The following ETHE1 variants were observed in gnomAD, a reference collection of about 807,000 sequenced individuals.
The protein encoded by ETHE1 is ETHE1 persulfide dioxygenase.
In ETHE1, 16 loss-of-function variants were observed where a neutral mutation model predicts 25.7. That is an observed-to-expected ratio of 0.62 (90% confidence interval 0.42 to 0.95). ETHE1 has a LOEUF of 0.95. Ranked by LOEUF, ETHE1 falls within the 40% of genes least tolerant of loss-of-function variation. ETHE1 has a pLI of 0.00. For synonymous variants in ETHE1, 139 were observed against 135.9 expected (o/e 1.02, Z -0.16); for missense variants, 300 against 333.6 (o/e 0.90, Z 0.79).
chr19:43,522,996 G>C (rs1423849881), intron 3 of ETHE1, among the ~76,000 whole-genome samples: 1 of 152,136 alleles, frequency 6.6e-6, no homozygotes, highest in Non-Finnish European at 1.5e-5. Flanking sequence ...AGAACTCCAA[G>C]TATAAACCAA....
At position 43,526,327 on chromosome 19, in the gene ETHE1, G is replaced by A; in HGVS notation, c.249C>T (p.Asp83=). Residue 83 remains aspartate, a synonymous_variant, in exon 3 of 7, where the codon GAC becomes GAT. Coordinates refer to ENST00000292147, the MANE Select transcript of ETHE1 (RefSeq NM_014297.5). ...GGAGCAGCCCCGAGCCTGTAATGTG[G>A]TCCGCGTGGCAGTGGGTATTCACTG... ...LYAVNTHCHA[D]HITGSGLLRS... is the part of the protein sequence containing the mutation. The A allele has an allele frequency of 6.2e-7, 1 of 1,614,182 alleles. No individual in the cohort carries two copies. The highest frequency in any genetic ancestry group is 8.5e-7 in the Non-Finnish European group (1 of 1,180,040).
chr19:43,517,059 A>G (rs374752608), intron 3 of ETHE1, among the ~76,000 whole-genome samples: 1 of 151,884 alleles, frequency 6.6e-6, no homozygotes, highest in Admixed American at 6.6e-5. Flanking sequence ...CCTGGCCTCA[A>G]GCAATCCTCC....
chr19:43,524,156 T>C (rs1972193010), intron 3 of ETHE1, among the ~76,000 whole-genome samples: 2 of 151,110 alleles, frequency 1.3e-5, no homozygotes, highest in South Asian at 4.2e-4. Context: ...TAAGCTGAGA[T>C]AGCGCCATTG....
chr19:43,521,402 G>A (rs564511675), intron 3 of ETHE1, among the ~76,000 whole-genome samples: 1 of 152,244 alleles, frequency 6.6e-6, no homozygotes, highest in South Asian at 2.1e-4. Flanking sequence ...CCCCTGCTGT[G>A]TACTTTGTCC....
intron 3 of ETHE1, among the ~76,000 whole-genome samples, chr19:43,514,432 T>C (rs1245832868): frequency 6.6e-6 from 1 of 151,790 alleles, no homozygotes; most frequent in East Asian, 1.9e-4. Context: ...CAGGTGGAAC[T>C]GTGAGCCCAC....
At position 43,511,705 on chromosome 19, in the gene ETHE1, T is replaced by C. The variant is rs1971922246; in HGVS notation, c.376-139A>G. ...AATGTAGATTCCCAGGCTGTAATCTTATATTATCAGAGTAAACTCCAAGTG... is the reference window on the plus strand; with the variant it reads ...AATGTAGATTCCCAGGCTGTAATCTCATATTATCAGAGTAAACTCCAAGTG... On this transcript the variant is annotated intron_variant, in intron 3 of 6. Transcript: ENST00000292147. 10 of 959,410 alleles carry C rather than the reference T, an allele frequency of 1.0e-5. No homozygotes were observed. The East Asian group carries it at 2.4e-4, about 23-fold the overall frequency. The allele number at this position is 959,410 out of a possible 1,614,324, so 59.4% of individuals were successfully genotyped here.
At chr19:43,508,976 G>A (rs561004514) in intron 4 of ETHE1, 112 bp from the exon 5 acceptor site, 31 of 819,558 alleles carry the variant, frequency 3.8e-5, no homozygotes, top group Middle Eastern at 2.5e-4. Flanking sequence ...CCTCTCCTTC[G>A]TGTCCTGCCA....
chr19:43,526,472 G>A, intron 2 of ETHE1, 43 bp downstream of exon 2: 1 of 1,605,610 alleles, frequency 6.2e-7, no homozygotes. Context: ...TGACGCTGCA[G>A]CCCAGCCCCG....
At chr19:43,508,664 G>T in intron 5 of ETHE1, 111 bp downstream of exon 5, 1 of 942,938 alleles carries the variant, frequency 1.1e-6, no homozygotes, top group Non-Finnish European at 1.7e-6. Context: ...ATTTTTTTTG[G>T]CCAGAGAAAT....
chr19:43,512,678 G>A (rs1267753599), intron 3 of ETHE1, among the ~76,000 whole-genome samples: 1 of 152,104 alleles, frequency 6.6e-6, no homozygotes, highest in Admixed American at 6.6e-5. Flanking sequence ...TTTGGAATTG[G>A]AACCTATGTT....
chr19:43,519,490 A>C (rs1972097477), intron 3 of ETHE1, among the ~76,000 whole-genome samples: 1 of 152,130 alleles, frequency 6.6e-6, no homozygotes, highest in African/African-American at 2.4e-5. Context: ...AAATTCTTTC[A>C]ACAAATTCAT....
At chr19:43,512,106 G>A (rs1009253139) in intron 3 of ETHE1, among the ~76,000 whole-genome samples, 5 of 152,162 alleles carry the variant, frequency 3.3e-5, no homozygotes, top group African/African-American at 9.6e-5. Context: ...GTGGAACTAT[G>A]AGTCCATTAA....
In ETHE1 at chr19:43,527,021, A is replaced by G; in HGVS notation, c.81+76T>C. ...CGTGGGTCCCCCCGGATCTCTCCCT[A>G]TTAAGAGACCCCGGAGTTCCGTCCT... is the stretch of plus-strand genomic sequence containing the variant. On this transcript the variant is annotated intron_variant, in intron 1 of 6. Coordinates refer to ENST00000292147, the MANE Select transcript of ETHE1 (RefSeq NM_014297.5). 8 of 1,539,228 alleles carry G rather than the reference A, an allele frequency of 5.2e-6. No individual in the cohort carries two copies. The South Asian group carries it at 9.5e-5, about 18-fold the overall frequency.
At chr19:43,516,623 C>CTT (rs71169249) in intron 3 of ETHE1, among the ~76,000 whole-genome samples, 9,652 of 110,140 alleles carry the variant, frequency 0.088, 849 homozygotes, top group East Asian at 0.3. Flanking sequence ...TTCTTTTTTT[C>CTT]TTTTTTTTTT....
At chr19:43,507,516 C>G in intron 6 of ETHE1, 1 of 314,880 alleles carries the variant, frequency 3.2e-6, no homozygotes, top group Non-Finnish European at 5.7e-6. Flanking sequence ...TCCAGGCCCC[C>G]AGTTCTTCCT....
intron 3 of ETHE1, among the ~76,000 whole-genome samples, chr19:43,513,392 C>T (rs1340023156): frequency 6.6e-6 from 1 of 152,060 alleles, no homozygotes; most frequent in Non-Finnish European, 1.5e-5. Context: ...GTGAAAGCAG[C>T]CAGGAGTGGG....
At chr19:43,526,974 C>T (rs1035467393) in intron 1 of ETHE1, 123 bp downstream of exon 1, 321 of 1,530,722 alleles carry the variant, frequency 2.1e-4, no homozygotes, top group Middle Eastern at 1.7e-4. Context: ...AAACCTCCAC[C>T]CCGCTTTCCG....
intron 1 of ETHE1, 112 bp from the exon 2 acceptor site, chr19:43,526,771 G>A: frequency 1.3e-6 from 2 of 1,560,790 alleles, no homozygotes; most frequent in Non-Finnish European, 1.7e-6. Flanking sequence ...AGAAACCCCA[G>A]CCCACTCTTT....
chr19:43,516,821 G>A (rs1161751551), intron 3 of ETHE1, among the ~76,000 whole-genome samples: 1 of 151,756 alleles, frequency 6.6e-6, no homozygotes, highest in Admixed American at 6.6e-5. Flanking sequence ...GTAGAGACGA[G>A]GTTTCATCAT....
Sources: gnomAD v4.1 joint callset for allele counts (sites outside exome capture counted in the v4.1 genomes callset) on GRCh38, gnomAD v4.1.1 for gene constraint, MANE v1.5 for transcripts, NCBI Gene and HGNC (gene_info 2026-07-23, HGNC 2026-07-21) for gene names.